MFF: variants seen among roughly 807,000 people sequenced by gnomAD.
MFF encodes mitochondrial fission factor.
Under a neutral mutation model 36.9 loss-of-function variants are expected in MFF, and 12 were observed. The observed-to-expected ratio is 0.33, with a 90% CI of 0.21 to 0.53. The LOEUF (loss-of-function observed/expected upper bound fraction) is 0.53, where lower values mean the gene tolerates loss of function less well. MFF is among the 20% of genes least tolerant of loss of function. MFF has a pLI of 0.95. For synonymous variants in MFF, 99 were observed against 126.2 expected, an observed-to-expected ratio of 0.78 and a Z score of 1.44; for missense variants, 348 against 366.6, an observed-to-expected ratio of 0.95 and a Z score of 0.42.
intron 4 of MFF, among the ~76,000 whole-genome samples, chr2:227,332,933 C>T (rs12621961): frequency 1.3e-5 from 2 of 152,214 alleles, no homozygotes; most frequent in Non-Finnish European, 2.9e-5. Flanking sequence ...TAAAATCAGT[C>T]TAGCAAACAG....
At chr2:227,332,379 C>T (rs750250303) in intron 3 of MFF, 40 bp from the exon 4 acceptor site, 9 of 1,487,832 alleles carry the variant, frequency 6.0e-6, no homozygotes, top group East Asian at 4.6e-5. Flanking sequence ...AAAAACCTCC[C>T]GCTTTTCTCT....
intron 7 of MFF, 124 bp downstream of exon 7, chr2:227,352,697 G>A (rs940672886): frequency 5.2e-6 from 4 of 771,880 alleles, no homozygotes; most frequent in East Asian, 2.6e-5. Context: ...AGCTTTCCTC[G>A]ATGAGTACAT....
At chr2:227,337,382 C>A (rs1002464144) in intron 4 of MFF, among the ~76,000 whole-genome samples, 7 of 152,178 alleles carry the variant, frequency 4.6e-5, no homozygotes, top group African/African-American at 1.7e-4. Flanking sequence ...ACCTTTCCCC[C>A]TTCTGCATAA....
intron 4 of MFF, among the ~76,000 whole-genome samples, chr2:227,337,718 A>G (rs1200086559): frequency 6.6e-6 from 1 of 152,204 alleles, no homozygotes; most frequent in Non-Finnish European, 1.5e-5. Flanking sequence ...AACTAAGTGC[A>G]TAACCACTGA....
chr2:227,339,575 C>T (rs2075271684), intron 4 of MFF, among the ~76,000 whole-genome samples: 1 of 152,186 alleles, frequency 6.6e-6, no homozygotes, highest in South Asian at 2.1e-4. Flanking sequence ...ACTTGGCCTT[C>T]CTTGTGTCAT....
intron 1 of MFF, among the ~76,000 whole-genome samples, chr2:227,326,266 T>C (rs2074117451): frequency 6.7e-6 from 1 of 150,026 alleles, no homozygotes; most frequent in African/African-American, 2.5e-5. Flanking sequence ...TGCCCAAATA[T>C]AGAACCATTT....
rs376449421 is a variant in MFF at position 227,332,399 on chromosome 2, C to G, written c.182-20C>G. 1.3e-6 allele frequency: 2 copies of G among 1,505,796 alleles called. No homozygotes were observed. Among genetic ancestry groups the G allele is most frequent in the Non-Finnish European group, 1.8e-6 (2 of 1,129,388 alleles). The allele number at this position is 1,505,796 out of a possible 1,614,324, so 93.3% of individuals were successfully genotyped here. On this transcript the variant is annotated intron_variant, in intron 3 of 8. Transcript: ENST00000304593. ...CCTCCCGCTTTTCTCTTCTTTGTCT[C>G]TTTTCTTGAAAACTCCTAGGAAATA...
chr2:227,342,694 CT>C, intron 5 of MFF: 1 of 1,442,278 alleles, frequency 6.9e-7, no homozygotes, highest in African/African-American at 1.4e-5. Context: ...CTAGCTTTTT[CT>C]TTGTGTTATA....
intron 4 of MFF, among the ~76,000 whole-genome samples, chr2:227,334,581 A>G (rs1349610859): frequency 6.6e-6 from 1 of 152,190 alleles, no homozygotes; most frequent in Non-Finnish European, 1.5e-5. Flanking sequence ...TTTGCTCTGT[A>G]TCATTCTGCA....
chr2:227,335,160 A>G (rs2074895770), intron 4 of MFF, among the ~76,000 whole-genome samples: 1 of 102,590 alleles, frequency 9.7e-6, no homozygotes, highest in Non-Finnish European at 1.9e-5. Flanking sequence ...ACAGAGCCAG[A>G]CTCTGTCTCT....
intron 1 of MFF, among the ~76,000 whole-genome samples, chr2:227,328,306 A>C (rs1354918406): frequency 6.8e-5 from 10 of 146,300 alleles, no homozygotes; most frequent in African/African-American, 2.3e-4. Context: ...AAAAAAAAAA[A>C]AAAAAAAAAA....
chr2:227,346,707 T>G (rs1416229680), intron 5 of MFF: 2 of 152,306 alleles, frequency 1.3e-5, no homozygotes, highest in Non-Finnish European at 2.9e-5. Context: ...TAAATCAGTG[T>G]CATTTATTCG....
chr2:227,334,617 A>C (rs921651429), intron 4 of MFF, among the ~76,000 whole-genome samples: 1 of 152,158 alleles, frequency 6.6e-6, no homozygotes, highest in East Asian at 1.9e-4. Flanking sequence ...AGGTAGAGCA[A>C]TAGTGCTCTA....
At chr2:227,339,983 G>T (rs1251342486) in intron 4 of MFF, among the ~76,000 whole-genome samples, 1 of 151,998 alleles carries the variant, frequency 6.6e-6, no homozygotes, top group Non-Finnish European at 1.5e-5. Flanking sequence ...ATACCATAAG[G>T]TTAAACAAAT....
At chr2:227,328,183 C>T (rs953380842) in intron 1 of MFF, among the ~76,000 whole-genome samples, 3 of 147,348 alleles carry the variant, frequency 2.0e-5, no homozygotes, top group African/African-American at 7.5e-5. Flanking sequence ...TCAGCCTGAA[C>T]AACATAATAA....
intron 7 of MFF, 89 bp downstream of exon 7, chr2:227,352,662 T>A (rs2076061046): frequency 9.8e-7 from 1 of 1,019,906 alleles, no homozygotes; most frequent in Non-Finnish European, 1.5e-6. Context: ...GCCATGCCTG[T>A]GTTTGTAGCT....
At chr2:227,354,391 C>T (rs972367062) in intron 7 of MFF, among the ~76,000 whole-genome samples, 2 of 152,050 alleles carry the variant, frequency 1.3e-5, no homozygotes, top group Non-Finnish European at 2.9e-5. Context: ...GATCCATTTG[C>T]CAATTCTCTG....
At chr2:227,352,116 GCAGCT>G in intron 6 of MFF, 1 of 165,568 alleles carries the variant, frequency 6.0e-6, no homozygotes, top group Admixed American at 6.1e-5. Context: ...TCATACCGGT[GCAGCT>G]AACCAGGTCC....
Position 227,357,198 on chromosome 2 carries a change from C to T in MFF, c.*81C>T, listed in dbSNP as rs1028593802. 7 of 1,444,618 alleles carry T rather than the reference C, an allele frequency of 4.8e-6. No homozygotes were observed. In the Admixed American group the frequency reaches 1.4e-4, roughly 30 times the overall value. The allele number at this position is 1,444,618 out of a possible 1,614,324, so 89.5% of individuals were successfully genotyped here. On this transcript the variant is annotated 3_prime_UTR_variant, in exon 9 of 9. Coordinates refer to ENST00000304593, the MANE Select transcript of MFF (RefSeq NM_001277062.2). Reference sequence around the variant, plus strand: ...GCAAACTTCTTTGTTTCTGTCTCTGCATTGTATGCCATTTTATAGTCCACA... The same window carrying T: ...GCAAACTTCTTTGTTTCTGTCTCTGTATTGTATGCCATTTTATAGTCCACA...
Sources: gnomAD v4.1 joint callset for allele counts (sites outside exome capture counted in the v4.1 genomes callset) on GRCh38, gnomAD v4.1.1 for gene constraint, MANE v1.5 for transcripts, NCBI Gene and HGNC (gene_info 2026-07-23, HGNC 2026-07-21) for gene names.